RBM15: variants seen among roughly 807,000 people sequenced by gnomAD.
The protein encoded by RBM15 is RNA binding motif protein 15.
A neutral mutation model predicts 62.6 loss-of-function variants in RBM15; 8 were observed. The ratio of observed to expected loss-of-function variants is 0.13; its 90% CI spans 0.07 to 0.23. The LOEUF is 0.23. Ranked by LOEUF, RBM15 falls within the 10% of genes least tolerant of loss-of-function variation. The pLI is 1.00. For synonymous variants in RBM15, 606 were observed against 505.7 expected (o/e 1.20, Z -2.66); for missense variants, 1,144 against 1,286.5 (o/e 0.89, Z 1.69).
At chr1:110,343,625 ACCCCTAATTTGTCAGGT>A (rs992105070) in intron 1 of RBM15, among the ~76,000 whole-genome samples, 1 of 150,222 alleles carries the variant, frequency 6.7e-6, no homozygotes, top group African/African-American at 2.5e-5. Context: ...CCTCTGTCCC[ACCCCTAATTTGTCAGGT>A]CATTAGTAAG....
Position 110,340,367 on chromosome 1 carries a change from C to A in RBM15, c.962C>A (p.Pro321Gln). The A allele has an allele frequency of 6.2e-7, 1 of 1,614,192 alleles. No individual in the cohort carries two copies. Among genetic ancestry groups the A allele is most frequent in the Non-Finnish European group, 8.5e-7 (1 of 1,180,024 alleles). Residue 321 changes from proline (P) to glutamine (Q), a missense_variant, in exon 1 of 3, where the codon CCA becomes CAA. By Grantham distance (76) the Pro-to-Gln change is moderately conservative (BLOSUM62 -1). Coordinates refer to ENST00000369784, the MANE Select transcript of RBM15 (RefSeq NM_022768.5). This position sits in a 1 kb window ranked among gnomAD's most constrained non-coding sequence, Gnocchi z 5.8. Reference protein sequence around the residue: ...ALGRLPPPPPPPLPRDLERER... With the variant: ...ALGRLPPPPPQPLPRDLERER... ...GGCCGCCTGCCCCCTCCACCTCCGC[C>A]ACCATTGCCTCGAGACCTGGAGAGA...
In RBM15 at chr1:110,346,617, G is replaced by A. The variant is rs574506953; in HGVS notation, c.*350G>A. 12 of 458,282 alleles carry A rather than the reference G, an allele frequency of 2.6e-5. No homozygotes were observed. The highest frequency in any genetic ancestry group is 2.0e-4 in the East Asian group (6 of 30,030). 28.4% of individuals were successfully genotyped at this position (458,282 alleles called of 1,614,324 possible). A position where few individuals can be genotyped will look rare whatever the true frequency, so the allele number is the denominator to read the frequency against. ...GCTTAAGAGTAGCTGTCTCTCAAAC[G>A]TGCGCTCACAGTTGAGCTGCTTTTG... On this transcript the variant is annotated 3_prime_UTR_variant, in exon 3 of 3. Coordinates refer to ENST00000369784, the MANE Select transcript of RBM15 (RefSeq NM_022768.5).
intron 1 of RBM15, among the ~76,000 whole-genome samples, chr1:110,344,647 C>G (rs1660865229): frequency 6.6e-6 from 1 of 152,182 alleles, no homozygotes; most frequent in African/African-American, 2.4e-5. Flanking sequence ...CATATTTGTA[C>G]TGCCCATTCT....
At chr1:110,344,807 ATCTT>A (rs1660867497) in intron 1 of RBM15, among the ~76,000 whole-genome samples, 1 of 152,130 alleles carries the variant, frequency 6.6e-6, no homozygotes, top group Non-Finnish European at 1.5e-5. Context: ...ATTTTTTTCT[ATCTT>A]TCTTCTTTAA....
intron 1 of RBM15, chr1:110,342,604 A>G (rs1660822863): frequency 3.6e-6 from 1 of 276,514 alleles, no homozygotes; most frequent in East Asian, 6.2e-5. Flanking sequence ...AAAAATCCTC[A>G]GAGTTACAAA....
chr1:110,341,417 C>T lies in RBM15; in HGVS notation c.2012C>T (p.Pro671Leu), dbSNP rs754300552. ...RPRKRHCAPS[P>L]DRSPELSSSR... Reference sequence around the variant, plus strand: ...CGAAAACGTCACTGCGCTCCTTCTCCTGACCGCAGTCCAGAATTGAGCAGT... The same window carrying T: ...CGAAAACGTCACTGCGCTCCTTCTCTTGACCGCAGTCCAGAATTGAGCAGT... The change falls in exon 1 of 3, where the codon CCT becomes CTT. Residue 671 changes from proline to leucine, a missense_variant. By Grantham distance (98) the Pro-to-Leu change is moderately conservative. Coordinates refer to ENST00000369784, the MANE Select transcript of RBM15 (RefSeq NM_022768.5). The surrounding 1 kb of genome is among the most constrained non-coding windows in gnomAD (Gnocchi z 4.5). The T allele has an allele frequency of 1.2e-6, 2 of 1,614,166 alleles. No individual in the cohort carries two copies. Among genetic ancestry groups the T allele is most frequent in the Non-Finnish European group, 1.7e-6 (2 of 1,180,026 alleles).
rs551603538 is a variant in RBM15 at position 110,346,292 on chromosome 1, T to C, written c.*41-16T>C. ...ACATTTGTACTGAATAACCTTTTTT[T>C]CCCCCCCTCCGCAAGCAAAACTGGT... On this transcript the variant is annotated splice_polypyrimidine_tract_variant and intron_variant, in intron 2 of 2. Coordinates refer to ENST00000369784, the MANE Select transcript of RBM15 (RefSeq NM_022768.5). 1.9e-4 allele frequency: 302 copies of C among 1,596,250 alleles called. No homozygotes were observed. Among genetic ancestry groups the C allele is most frequent in the South Asian group, 4.5e-4 (41 of 90,982 alleles).
Position 110,341,584 on chromosome 1 carries a change from C to G in RBM15, c.2179C>G (p.Arg727Gly). Residue 727 changes from arginine to glycine, a missense_variant, in exon 1 of 3, where the codon CGA becomes GGA. Around this residue, in one of 8 missense-constraint regions of RBM15, gnomAD observed 360 missense variants for 342.9 expected, o/e 1.05. Transcript: ENST00000369784. The surrounding 1 kb of genome is among the most constrained non-coding windows in gnomAD (Gnocchi z 4.5). ...RDRKNSASAE[R>G]DRKHRTTAPT... ...CCGTAAAAACTCTGCATCAGCTGAA[C>G]GAGATAGGAAGCACCGGACAACTGC... 2 of 1,614,080 alleles carry G rather than the reference C, an allele frequency of 1.2e-6. No homozygotes were observed. Among genetic ancestry groups the G allele is most frequent in the African/African-American group, 1.3e-5 (1 of 75,018 alleles).
chr1:110,342,293 C>G lies in RBM15; in HGVS notation c.2863+25C>G, dbSNP rs747483026. On this transcript the variant is annotated intron_variant, in intron 1 of 2. Transcript: ENST00000369784. ...GGTGCGTCCTAAAGTCCATGTGTAA[C>G]TTGTATTTACTACTTTGACATGGTT... is the stretch of plus-strand genomic sequence containing the variant. 2.7e-6 allele frequency: 4 copies of G among 1,508,808 alleles called. No homozygotes were observed. In the South Asian group the frequency reaches 5.2e-5, roughly 20 times the overall value. 93.5% of individuals were successfully genotyped at this position (1,508,808 alleles called of 1,614,324 possible).
At position 110,341,724 on chromosome 1, in the gene RBM15, G is replaced by C; in HGVS notation, c.2319G>C (p.Gly773=). ...CCCCGTCCCAGAAACAGGATGGGGG[G>C]ACAGCCCCTGTGGCATCAGCCTCTC... ...LKSPSQKQDG[G]TAPVASASPK... is the part of the protein sequence containing the mutation. Residue 773 remains glycine (G), a synonymous_variant, in exon 1 of 3, where the codon GGG becomes GGC. Coordinates refer to ENST00000369784, the MANE Select transcript of RBM15 (RefSeq NM_022768.5). This position sits in a 1 kb window ranked among gnomAD's most constrained non-coding sequence, Gnocchi z 4.5. 6.2e-7 allele frequency: 1 copy of C among 1,614,194 alleles called. No individual in the cohort carries two copies.
chr1:110,341,733 T>C lies in RBM15; in HGVS notation c.2328T>C (p.Pro776=), dbSNP rs1660803648. The change falls in exon 1 of 3, where the codon CCT becomes CCC. Residue 776 remains proline (P), a synonymous_variant. Transcript: ENST00000369784. The surrounding 1 kb of genome is among the most constrained non-coding windows in gnomAD (Gnocchi z 4.5). The part of the protein sequence containing the change: ...PSQKQDGGTA[P]VASASPKLCL... ...AGAAACAGGATGGGGGGACAGCCCC[T>C]GTGGCATCAGCCTCTCCCAAACTCT... 1 of 1,614,204 alleles carries C rather than the reference T, an allele frequency of 6.2e-7. No individual in the cohort carries two copies.
chr1:110,339,481 A>C lies in RBM15; in HGVS notation c.76A>C (p.Ser26Arg). Residue 26 changes from serine to arginine, a missense_variant, in exon 1 of 3, where the codon AGC becomes CGC. This residue lies in a region of RBM15 where 298 missense variants were observed against 250.0 expected (regional missense o/e 1.19). Transcript: ENST00000369784. ...WRRAVPLCET[S>R]AGRRVTQLRG... is the part of the protein sequence containing the mutation. ...GCGTGCGGTTCCGCTGTGTGAAACG[A>C]GCGCGGGGCGGCGGGTTACTCAGCT... The C allele has an allele frequency of 1.3e-6, 2 of 1,572,350 alleles. No individual in the cohort carries two copies. Among genetic ancestry groups the C allele is most frequent in the East Asian group, 2.3e-5 (1 of 44,288 alleles).
chr1:110,345,854 T>C (rs1010592070), intron 2 of RBM15, among the ~76,000 whole-genome samples: 2 of 152,178 alleles, frequency 1.3e-5, no homozygotes, highest in Non-Finnish European at 2.9e-5. Context: ...TCTACAATAA[T>C]GGAGTAGTCT....
In RBM15 at chr1:110,346,528, G is replaced by T. The variant is rs1660902567; in HGVS notation, c.*261G>T. 1 of 662,578 alleles carries T rather than the reference G, an allele frequency of 1.5e-6. No homozygotes were observed. Among genetic ancestry groups the T allele is most frequent in the Non-Finnish European group, 2.6e-6 (1 of 379,980 alleles). The allele number at this position is 662,578 out of a possible 1,614,324, so 41.0% of individuals were successfully genotyped here. On this transcript the variant is annotated 3_prime_UTR_variant, in exon 3 of 3. Transcript: ENST00000369784. Reference sequence around the variant, plus strand: ...TAAGTGGAAAAAAAATGACCTCTTTGATTTGTGCTGTGTACACAAGATTTC... The same window carrying T: ...TAAGTGGAAAAAAAATGACCTCTTTTATTTGTGCTGTGTACACAAGATTTC...
Position 110,346,292 on chromosome 1 carries a change from TC to T in RBM15, c.*41-9del, listed in dbSNP as rs759819138. The T allele has an allele frequency of 3.9e-5, 63 of 1,596,136 alleles. No individual in the cohort carries two copies. In the African/African-American group the frequency reaches 5.5e-4, roughly 14 times the overall value. On this transcript the variant is annotated splice_polypyrimidine_tract_variant and intron_variant, in intron 2 of 2. Coordinates refer to ENST00000369784, the MANE Select transcript of RBM15 (RefSeq NM_022768.5). ...ACATTTGTACTGAATAACCTTTTTT[TC>T]CCCCCCTCCGCAAGCAAAACTGGTT... is the stretch of plus-strand genomic sequence containing the variant.
rs931712032 is a variant in RBM15 at position 110,339,695 on chromosome 1, G to C, written c.290G>C (p.Ser97Thr). The C allele has an allele frequency of 6.2e-7, 1 of 1,612,964 alleles. No homozygotes were observed. The highest frequency in any genetic ancestry group is 8.5e-7 in the Non-Finnish European group (1 of 1,179,906). The stretch of plus-strand genomic sequence containing the variant: ...GATAGCGGCGGTGGGTCGCGGCGGA[G>C]TCTCCACCTGGACAAGTCCAGCAGT... ...KTDSGGGSRR[S>T]LHLDKSSSRG... The change falls in exon 1 of 3, where the codon AGT (serine) becomes ACT (threonine). Residue 97 changes from serine to threonine, a missense_variant. Ser to Thr is a moderately conservative substitution (Grantham distance 58). This residue lies in a region of RBM15 where 298 missense variants were observed against 250.0 expected (regional missense o/e 1.19). Coordinates refer to ENST00000369784, the MANE Select transcript of RBM15 (RefSeq NM_022768.5).
chr1:110,339,495 G>A lies in RBM15; in HGVS notation c.90G>A (p.Arg30=). The A allele has an allele frequency of 6.3e-7, 1 of 1,585,952 alleles. No individual in the cohort carries two copies. Among genetic ancestry groups the A allele is most frequent in the Non-Finnish European group, 8.6e-7 (1 of 1,162,756 alleles). The change falls in exon 1 of 3, where the codon CGG becomes CGA. Residue 30 remains arginine, a synonymous_variant. Coordinates refer to ENST00000369784, the MANE Select transcript of RBM15 (RefSeq NM_022768.5). ...TGTGTGAAACGAGCGCGGGGCGGCG[G>A]GTTACTCAGCTCCGCGGAGACGACC... The part of the protein sequence containing the change: ...VPLCETSAGR[R]VTQLRGDDLR...
chr1:110,344,405 T>G (rs1660860349), intron 1 of RBM15, among the ~76,000 whole-genome samples: 1 of 152,150 alleles, frequency 6.6e-6, no homozygotes, highest in South Asian at 2.1e-4. Context: ...TCTTTTTTTT[T>G]GTTTGTTTTT....
Position 110,339,946 on chromosome 1 carries a change from C to G in RBM15, c.541C>G (p.Leu181Val). The change falls in exon 1 of 3, where the codon CTT (leucine) becomes GTT (valine). Residue 181 changes from leucine (L) to valine (V), a missense_variant. Physicochemically the swap from Leu to Val is conservative, Grantham distance 32 (BLOSUM62 1). Around this residue, in one of 8 missense-constraint regions of RBM15, gnomAD observed 15 missense variants for 35.0 expected, o/e 0.43. Coordinates refer to ENST00000369784, the MANE Select transcript of RBM15 (RefSeq NM_022768.5). The stretch of plus-strand genomic sequence containing the variant: ...GAAGATAAGCGAGTTGGGGTCCCAG[C>G]TTAGTGACGAAGCGGTGGAGGACGG... ...TLKISELGSQ[L>V]SDEAVEDGLF... 5 of 1,614,110 alleles carry G rather than the reference C, an allele frequency of 3.1e-6. No homozygotes were observed. The highest frequency in any genetic ancestry group is 4.2e-6 in the Non-Finnish European group (5 of 1,179,968).
Sources: gnomAD v4.1 joint callset for allele counts (sites outside exome capture counted in the v4.1 genomes callset) on GRCh38, gnomAD v4.1.1 for gene constraint, gnomAD v4.1.1 regional missense constraint, Gnocchi (gnomAD v3.1) non-coding constraint, MANE v1.5 for transcripts, NCBI Gene and HGNC (gene_info 2026-07-23, HGNC 2026-07-21) for gene names.